Variants in SAR1B observed in about 807,000 individuals in gnomAD.
SAR1B encodes the protein secretion associated Ras related GTPase 1B.
Under a neutral mutation model 26.8 loss-of-function variants are expected in SAR1B, and 23 were observed. The ratio of observed to expected loss-of-function variants is 0.86; its 90% CI spans 0.62 to 1.22. The LOEUF (loss-of-function observed/expected upper bound fraction) is 1.22, where lower values mean the gene tolerates loss of function less well. SAR1B is among the 50% of genes most tolerant of loss of function. SAR1B has a pLI of 0.00. For synonymous variants in SAR1B, 65 were observed against 80.8 expected (o/e 0.80, Z 1.05); for missense variants, 196 against 232.8 (o/e 0.84, Z 1.03).
chr5:134,607,646 C>T (rs1301553782), intron 6 of SAR1B, among the ~76,000 whole-genome samples: 1 of 152,022 alleles, frequency 6.6e-6, no homozygotes, highest in Non-Finnish European at 1.5e-5. Context: ...CTGGCACACG[C>T]CTGTAATCCC....
chr5:134,612,846 T>C (rs1325541441), intron 3 of SAR1B, 90 bp from the exon 4 acceptor site: 7 of 1,158,644 alleles, frequency 6.0e-6, no homozygotes, highest in Non-Finnish European at 8.8e-6. Context: ...TCAAAGACTT[T>C]CCTCCCCATC....
chr5:134,608,275 A>G, intron 6 of SAR1B, 97 bp downstream of exon 6: 1 of 1,284,346 alleles, frequency 7.8e-7, no homozygotes, highest in East Asian at 2.5e-5. Context: ...CTTTAAGAAA[A>G]TGATAATGGG....
intron 1 of SAR1B, 80 bp from the exon 2 acceptor site, chr5:134,624,117 T>C (rs1199365534): frequency 2.5e-6 from 2 of 811,714 alleles, no homozygotes; most frequent in East Asian, 4.9e-5. Flanking sequence ...AAACACCAAC[T>C]CTGAGTAGAT....
chr5:134,609,495 T>C (rs1377372989), intron 5 of SAR1B, 76 bp downstream of exon 5: 3 of 1,164,348 alleles, frequency 2.6e-6, no homozygotes, highest in East Asian at 2.4e-5. Flanking sequence ...TGCACTCTGA[T>C]ACCTGTATCT....
Position 134,606,926 on chromosome 5 carries a change from A to T in SAR1B, c.*24T>A. On this transcript the variant is annotated 3_prime_UTR_variant, in exon 7 of 7. Coordinates refer to ENST00000402673, the MANE Select transcript of SAR1B (RefSeq NM_016103.4). ...TCTCTGAGTAAGCCTGAACGTTGAG[A>T]CCTGGAACCAATGTGAGTTTGTGTT... The T allele has an allele frequency of 6.8e-7, 1 of 1,462,090 alleles. No individual in the cohort carries two copies. Among genetic ancestry groups the T allele is most frequent in the Non-Finnish European group, 9.6e-7 (1 of 1,041,142 alleles). 90.6% of individuals were successfully genotyped at this position (1,462,090 alleles called of 1,614,324 possible).
chr5:134,630,609 C>A (rs1478705465), intron 1 of SAR1B, among the ~76,000 whole-genome samples: 1 of 150,628 alleles, frequency 6.6e-6, no homozygotes, highest in Non-Finnish European at 1.5e-5. Context: ...ATGGTGAAAC[C>A]CCATCTCTAC....
chr5:134,629,624 G>A (rs1765563029), intron 1 of SAR1B, among the ~76,000 whole-genome samples: 2 of 152,012 alleles, frequency 1.3e-5, no homozygotes, highest in Admixed American at 6.6e-5. Context: ...TTGAACCTGG[G>A]AGGCAGAGGT....
intron 2 of SAR1B, among the ~76,000 whole-genome samples, chr5:134,622,352 G>T (rs1030028434): frequency 1.3e-5 from 2 of 150,682 alleles, no homozygotes; most frequent in South Asian, 2.1e-4. Context: ...AAAAGTAATT[G>T]AACATATTTG....
At position 134,606,998 on chromosome 5, in the gene SAR1B, T is replaced by G. The variant is rs534571166; in HGVS notation, c.549A>C (p.Arg183Ser). The G allele has an allele frequency of 6.2e-7, 1 of 1,614,152 alleles. No individual in the cohort carries two copies. Among genetic ancestry groups the G allele is most frequent in the East Asian group, 2.2e-5 (1 of 44,890 alleles). ...AGCGGAAGCCTTCTCCGTAACCTTG[T>G]CTTTTGAGCACACTACACATGAAAA... ...LEVFMCSVLK[R>S]QGYGEGFRWM... The change falls in exon 7 of 7, where the codon AGA becomes AGC. Residue 183 changes from arginine to serine, a missense_variant. Physicochemically the swap from Arg to Ser is moderately radical, Grantham distance 110. Transcript: ENST00000402673.
chr5:134,628,241 T>C (rs1449565482), intron 1 of SAR1B, among the ~76,000 whole-genome samples: 1 of 151,484 alleles, frequency 6.6e-6, no homozygotes, highest in African/African-American at 2.4e-5. Flanking sequence ...TAGCCAGATG[T>C]GATAGCATGC....
At chr5:134,627,335 G>A (rs986421883) in intron 1 of SAR1B, among the ~76,000 whole-genome samples, 24 of 151,170 alleles carry the variant, frequency 1.6e-4, no homozygotes, top group Non-Finnish European at 2.4e-4. Flanking sequence ...ACAGGCGTGA[G>A]CCACCGCGCC....
At chr5:134,608,300 C>T in intron 6 of SAR1B, 72 bp downstream of exon 6, 2 of 1,436,040 alleles carry the variant, frequency 1.4e-6, no homozygotes, top group South Asian at 1.2e-5. Context: ...TATAGTTGGA[C>T]AATAGTAATT....
rs1285676180 is a variant in SAR1B, at chr5:134,605,831, TCTC to T, written c.*1116_*1118del. On this transcript the variant is annotated 3_prime_UTR_variant, in exon 7 of 7. Coordinates refer to ENST00000402673, the MANE Select transcript of SAR1B (RefSeq NM_016103.4). ...AAAGAGCTATAGGATAGGAACAAAATCTCCACATATCTCAGACTGACACAGAAC... is the reference window on the plus strand; with the variant it reads ...AAAGAGCTATAGGATAGGAACAAAATCACATATCTCAGACTGACACAGAAC... 14 of 152,168 alleles carry T rather than the reference TCTC, an allele frequency of 9.2e-5. No homozygotes were observed. The highest frequency in any genetic ancestry group is 9.2e-4 in the Admixed American group (14 of 15,268). The allele number at this position is 152,168 out of a possible 1,614,324, so 9.4% of individuals were successfully genotyped here.
intron 2 of SAR1B, among the ~76,000 whole-genome samples, chr5:134,621,307 T>C (rs886408800): frequency 6.6e-6 from 1 of 151,962 alleles, no homozygotes; most frequent in South Asian, 2.1e-4. Context: ...CCGTCTCTAC[T>C]GAAAATACAA....
chr5:134,621,138 A>T, intron 2 of SAR1B, 86 bp from the exon 3 acceptor site: 3 of 1,421,418 alleles, frequency 2.1e-6, no homozygotes, highest in Non-Finnish European at 2.0e-6. Flanking sequence ...TTAAGCTTGA[A>T]GTTCTAAACC....
chr5:134,624,476 G>A (rs547885271), intron 1 of SAR1B, among the ~76,000 whole-genome samples: 90 of 152,136 alleles, frequency 5.9e-4, no homozygotes, highest in African/African-American at 1.9e-3. Flanking sequence ...AACCGAGATC[G>A]CACCACTGCA....
intron 5 of SAR1B, among the ~76,000 whole-genome samples, chr5:134,608,748 G>A (rs1038378246): frequency 3.3e-5 from 5 of 152,244 alleles, no homozygotes; most frequent in South Asian, 2.1e-4. Flanking sequence ...GACATAGAAC[G>A]TATAGAGCCA....
chr5:134,628,097 C>G (rs966182902), intron 1 of SAR1B, among the ~76,000 whole-genome samples: 7 of 151,500 alleles, frequency 4.6e-5, no homozygotes, highest in African/African-American at 1.7e-4. Context: ...CGAGATCGTG[C>G]CACTGCACTG....
intron 3 of SAR1B, among the ~76,000 whole-genome samples, chr5:134,619,049 G>C (rs1479839424): frequency 2.0e-5 from 3 of 151,548 alleles, no homozygotes; most frequent in Non-Finnish European, 4.4e-5. Context: ...ATTATTTTTG[G>C]CCAAGTGTGG....
Sources: allele counts gnomAD v4.1 joint callset (sites outside exome capture counted in the v4.1 genomes callset), GRCh38; gene constraint gnomAD v4.1.1; transcripts MANE v1.5; gene names NCBI Gene and HGNC (gene_info 2026-07-23, HGNC 2026-07-21).